MFN2: variants seen among roughly 807,000 people sequenced by gnomAD.
MFN2 encodes mitofusin 2.
Under a neutral mutation model 87.5 loss-of-function variants are expected in MFN2, and 43 were observed. The observed-to-expected ratio is 0.49, with a 90% CI of 0.38 to 0.63. MFN2 has a LOEUF of 0.63. Ranked by LOEUF, MFN2 falls within the 30% of genes least tolerant of loss-of-function variation. MFN2 has a pLI of 0.00. For synonymous variants in MFN2, 337 were observed against 359.9 expected (o/e 0.94, Z 0.72); for missense variants, 743 against 972.8 (o/e 0.76, Z 3.14).
chr1:12,006,947 G>C, intron 16 of MFN2, 106 bp from the exon 17 acceptor site: 3 of 1,444,986 alleles, frequency 2.1e-6, no homozygotes, highest in Non-Finnish European at 2.9e-6. Flanking sequence ...GTAGAAACAT[G>C]AAGGCTCCTT....
chr1:11,984,042 C>A (rs1426111632), intron 2 of MFN2, among the ~76,000 whole-genome samples: 1 of 152,194 alleles, frequency 6.6e-6, no homozygotes, highest in Non-Finnish European at 1.5e-5. Context: ...GGCTCCTGGA[C>A]CGGCTGAACT....
rs764170470 is a variant in MFN2 at position 12,004,058 on chromosome 1, G to A, written c.1227G>A (p.Glu409=). ...TGAAATTTATTGACAAACAGCTGGA[G>A]CTCTTGGCTCAAGACTATAAGCTGC... is the stretch of plus-strand genomic sequence containing the variant. ...DRLKFIDKQL[E]LLAQDYKLRI... Residue 409 remains glutamate (E), a synonymous_variant, in exon 12 of 19, where the codon GAG becomes GAA. Transcript: ENST00000235329. The surrounding 1 kb of genome is among the most constrained non-coding windows in gnomAD (Gnocchi z 4.2). 6.2e-7 allele frequency: 1 copy of A among 1,614,214 alleles called. No homozygotes were observed. The highest frequency in any genetic ancestry group is 2.2e-5 in the East Asian group (1 of 44,880).
Position 12,006,815 on chromosome 1 carries a change from C to T in MFN2, c.1872+122C>T, listed in dbSNP as rs549093016. 1.3e-4 allele frequency: 180 copies of T among 1,439,016 alleles called. 3 individuals are homozygous for T. The South Asian group carries it at 2.0e-3, about 16-fold the overall frequency. 89.1% of individuals were successfully genotyped at this position (1,439,016 alleles called of 1,614,324 possible). On this transcript the variant is annotated intron_variant, in intron 16 of 18. Transcript: ENST00000235329. The stretch of plus-strand genomic sequence containing the variant: ...CTCCACAGTCCACTGCATACTTTCT[C>T]CTCTGTGATTGCATGGGGAGCGCTT...
intron 4 of MFN2, among the ~76,000 whole-genome samples, chr1:11,995,588 G>C (rs1047142856): frequency 5.3e-5 from 8 of 151,616 alleles, no homozygotes. Context: ...AGCTGAGATC[G>C]TGCCACTGCA....
At chr1:11,991,450 A>C (rs1388008900) in intron 3 of MFN2, among the ~76,000 whole-genome samples, 1 of 152,182 alleles carries the variant, frequency 6.6e-6, no homozygotes, top group Non-Finnish European at 1.5e-5. Context: ...AGTGAGAATG[A>C]GCCACGCTGC....
At chr1:11,997,879 C>CTTTTTTTTTTT (rs768355266) in intron 6 of MFN2, among the ~76,000 whole-genome samples, 7 of 95,864 alleles carry the variant, frequency 7.3e-5, no homozygotes, top group Admixed American at 1.3e-4. Flanking sequence ...TGTATATCAT[C>CTTTTTTTTTTT]TTTTTTTTTT....
In MFN2 at chr1:12,004,545, T is replaced by C. The variant is rs1415810343; in HGVS notation, c.1324T>C (p.Ser442Pro). 1 of 1,614,074 alleles carries C rather than the reference T, an allele frequency of 6.2e-7. No homozygotes were observed. The highest frequency in any genetic ancestry group is 1.3e-5 in the African/African-American group (1 of 74,920). ...AATGGCCGAGGAGATCAGGCGCCTC[T>C]CTGTACTGGTGGACGATTACCAGAT... Reference protein sequence around the residue: ...TAMAEEIRRLSVLVDDYQMDF... With the variant: ...TAMAEEIRRLPVLVDDYQMDF... Residue 442 changes from serine (S) to proline (P), a missense_variant, in exon 13 of 19, where the codon TCT becomes CCT. Around this residue, in one of 3 missense-constraint regions of MFN2, gnomAD observed 571 missense variants for 670.7 expected, o/e 0.85. Coordinates refer to ENST00000235329, the MANE Select transcript of MFN2 (RefSeq NM_014874.4). The surrounding 1 kb of genome is among the most constrained non-coding windows in gnomAD (Gnocchi z 4.2).
At chr1:12,001,859 C>T (rs770236537) in intron 10 of MFN2, 23 bp downstream of exon 10, 4 of 1,613,828 alleles carry the variant, frequency 2.5e-6, no homozygotes, top group Non-Finnish European at 1.7e-6. Flanking sequence ...ATTCTGGTAT[C>T]TGGCGATTCT....
chr1:12,004,554 G>A lies in MFN2; in HGVS notation c.1333G>A (p.Val445Met), dbSNP rs1639319467. The change falls in exon 13 of 19, where the codon GTG becomes ATG. Residue 445 changes from valine to methionine, a missense_variant. By Grantham distance (21) the Val-to-Met change is conservative. Transcript: ENST00000235329. The surrounding 1 kb of genome is among the most constrained non-coding windows in gnomAD (Gnocchi z 4.2). The part of the protein sequence containing the change: ...AEEIRRLSVL[V>M]DDYQMDFHPS... ...GGAGATCAGGCGCCTCTCTGTACTG[G>A]TGGACGATTACCAGATGGACTTCCA... The A allele has an allele frequency of 6.2e-7, 1 of 1,614,136 alleles. No homozygotes were observed. Among genetic ancestry groups the A allele is most frequent in the Middle Eastern group, 1.6e-4 (1 of 6,062 alleles).
At chr1:12,008,251 A>G (rs542559075) in intron 17 of MFN2, among the ~76,000 whole-genome samples, 1 of 152,234 alleles carries the variant, frequency 6.6e-6, no homozygotes, top group African/African-American at 2.4e-5. Context: ...CCCGTTCTCA[A>G]TGAGCTGTTG....
At chr1:11,985,650 T>TA (rs1402677512) in intron 2 of MFN2, among the ~76,000 whole-genome samples, 1 of 152,042 alleles carries the variant, frequency 6.6e-6, no homozygotes, top group Non-Finnish European at 1.5e-5. Context: ...GTATTTTTCA[T>TA]AGAGACGGGG....
rs1452949012 is a variant in MFN2, at chr1:12,003,859, G to GC, written c.1161-129dup. 8.6e-7 allele frequency: 1 copy of GC among 1,165,334 alleles called. No individual in the cohort carries two copies. The highest frequency in any genetic ancestry group is 1.3e-6 in the Non-Finnish European group (1 of 783,544). 72.2% of individuals were successfully genotyped at this position (1,165,334 alleles called of 1,614,324 possible). On this transcript the variant is annotated intron_variant, in intron 11 of 18. Transcript: ENST00000235329. This position sits in a 1 kb window ranked among gnomAD's most constrained non-coding sequence, Gnocchi z 4.1. ...TCTTACCTGGGAAGGGGAAGGCCAT[G>GC]CCCCTGGGTGCGTGTGTGCAGCCCT... is the stretch of plus-strand genomic sequence containing the variant.
Position 12,006,828 on chromosome 1 carries a change from A to G in MFN2, c.1872+135A>G, listed in dbSNP as rs913776539. ...TGCATACTTTCTCCTCTGTGATTGC[A>G]TGGGGAGCGCTTACTCCCTCACCAA... On this transcript the variant is annotated intron_variant, in intron 16 of 18. Coordinates refer to ENST00000235329, the MANE Select transcript of MFN2 (RefSeq NM_014874.4). 2.8e-5 allele frequency: 39 copies of G among 1,386,970 alleles called. 1 individual carries two copies. The South Asian group carries it at 4.5e-4, about 16-fold the overall frequency. The allele number at this position is 1,386,970 out of a possible 1,614,324, so 85.9% of individuals were successfully genotyped here.
chr1:12,009,232 C>T (rs571907447), intron 17 of MFN2, among the ~76,000 whole-genome samples: 27 of 151,064 alleles, frequency 1.8e-4, no homozygotes, highest in African/African-American at 4.8e-4. Context: ...GGAGAGGGAG[C>T]GGGAGAGGGA....
At chr1:11,987,555 G>C (rs1204206979) in intron 2 of MFN2, among the ~76,000 whole-genome samples, 1 of 151,262 alleles carries the variant, frequency 6.6e-6, no homozygotes. Flanking sequence ...GCTTGAACTC[G>C]GGAGGTGGTG....
At chr1:12,005,519 C>T (rs537385644) in intron 14 of MFN2, among the ~76,000 whole-genome samples, 192 bp from the exon 15 acceptor site, 2 of 152,358 alleles carry the variant, frequency 1.3e-5, no homozygotes, top group African/African-American at 2.4e-5. Context: ...TCTGAGTCCA[C>T]ACTTGCCTGG....
chr1:12,007,363 G>A (rs888193862), intron 17 of MFN2, 114 bp downstream of exon 17: 7 of 1,309,790 alleles, frequency 5.3e-6, no homozygotes, highest in East Asian at 2.5e-5. Flanking sequence ...CCTAAGCATC[G>A]TAGACCCTGG....
chr1:12,006,949 A>G, intron 16 of MFN2, 104 bp from the exon 17 acceptor site: 10 of 1,446,978 alleles, frequency 6.9e-6, no homozygotes, highest in Non-Finnish European at 9.7e-6. Context: ...AGAAACATGA[A>G]GGCTCCTTGG....
rs764695837 is a variant in MFN2 at position 11,992,611 on chromosome 1, G to A, written c.232G>A (p.Val78Ile). The change falls in exon 4 of 19, where the codon GTC becomes ATC. Residue 78 changes from valine to isoleucine, a missense_variant. Val to Ile is a conservative substitution (Grantham distance 29). This residue lies in a region of MFN2 where 141 missense variants were observed against 278.9 expected (regional missense o/e 0.51). Coordinates refer to ENST00000235329, the MANE Select transcript of MFN2 (RefSeq NM_014874.4). ...TACCACAGAAGAACAGGTTCTGGAC[G>A]TCAAAGGTTACCTATCCAAAGTGAG... is the stretch of plus-strand genomic sequence containing the variant. ...PVTTEEQVLDVKGYLSKVRGI... is the reference protein window; with the variant it reads ...PVTTEEQVLDIKGYLSKVRGI... 1.7e-5 allele frequency: 27 copies of A among 1,614,054 alleles called. No individual in the cohort carries two copies. Among genetic ancestry groups the A allele is most frequent in the East Asian group, 2.2e-5 (1 of 44,884 alleles).
Sources: gnomAD v4.1 joint callset for allele counts (sites outside exome capture counted in the v4.1 genomes callset) on GRCh38, gnomAD v4.1.1 for gene constraint, gnomAD v4.1.1 regional missense constraint, Gnocchi (gnomAD v3.1) non-coding constraint, MANE v1.5 for transcripts, NCBI Gene and HGNC (gene_info 2026-07-23, HGNC 2026-07-21) for gene names.